RUFY3: variants seen among roughly 807,000 people sequenced by gnomAD.
RUFY3 encodes the protein RUN and FYVE domain containing 3, also known as protein RUFY3.
A neutral mutation model predicts 84.0 loss-of-function variants in RUFY3; 34 were observed. That is an observed-to-expected ratio of 0.40 (90% CI 0.31 to 0.54). RUFY3 has a LOEUF of 0.54. RUFY3 is among the 20% of genes least tolerant of loss of function. RUFY3 has a pLI of 0.39. For synonymous variants in RUFY3, 242 were observed against 252.9 expected (o/e 0.96, Z 0.41); for missense variants, 507 against 736.8 (o/e 0.69, Z 3.61).
At chr4:70,706,570 T>C (rs1740360916) in intron 1 of RUFY3, among the ~76,000 whole-genome samples, 1 of 152,226 alleles carries the variant, frequency 6.6e-6, no homozygotes, top group Non-Finnish European at 1.5e-5. Context: ...AAACCCATGC[T>C]CTTTAAATCT....
At chr4:70,774,636 AAAAAAAAAATAT>A (rs1486978791) in intron 6 of RUFY3, among the ~76,000 whole-genome samples, 4 of 121,330 alleles carry the variant, frequency 3.3e-5, no homozygotes, top group African/African-American at 1.2e-4. Flanking sequence ...AAAAAAAAAA[AAAAAAAAAATAT>A]ATATATATAT....
At position 70,725,746 on chromosome 4, in the gene RUFY3, G is replaced by C. The variant is rs554722090; in HGVS notation, c.178+2995G>C. Reference sequence around the variant, plus strand: ...CTCCACAGGAGAAGGGTCAGGAGAGGCTTCATTAAGTGAGACCTTAAGAGA... The same window carrying C: ...CTCCACAGGAGAAGGGTCAGGAGAGCCTTCATTAAGTGAGACCTTAAGAGA... On this transcript the variant is annotated intron_variant, in intron 1 of 17. Transcript: ENST00000381006. Among the ~76,000 whole-genome samples the C allele has an allele frequency of 3.9e-5, 6 of 152,328 alleles. No homozygotes were observed. The East Asian group carries it at 9.6e-4, about 24-fold the overall frequency.
At chr4:70,766,858 C>T (rs1726026777) in intron 4 of RUFY3, among the ~76,000 whole-genome samples, 1 of 152,066 alleles carries the variant, frequency 6.6e-6, no homozygotes, top group Non-Finnish European at 1.5e-5. Context: ...AGTTTCATGG[C>T]CCTAAAAAAT....
At chr4:70,801,446 G>A (rs533367796) in intron 15 of RUFY3, among the ~76,000 whole-genome samples, 1 of 152,236 alleles carries the variant, frequency 6.6e-6, no homozygotes, top group South Asian at 2.1e-4. Flanking sequence ...CCAGGGATGG[G>A]GCAGGAAGCA....
In RUFY3 at chr4:70,739,563, G is replaced by A. The variant is rs144993814; in HGVS notation, c.178+16812G>A. On this transcript the variant is annotated intron_variant, in intron 1 of 17. Transcript: ENST00000381006. ...ATTAACACTAAATCAAAGACACTTGGTCTCAAGGGGACAAAATAACCCCCA... is the reference window on the plus strand; with the variant it reads ...ATTAACACTAAATCAAAGACACTTGATCTCAAGGGGACAAAATAACCCCCA... 2.9e-3 allele frequency among the ~76,000 whole-genome samples: 443 copies of A among 152,196 alleles called. 3 individuals carry two copies. Among genetic ancestry groups the A allele is most frequent in the African/African-American group, 0.01 (420 of 41,510 alleles).
intron 1 of RUFY3, among the ~76,000 whole-genome samples, chr4:70,706,943 A>G (rs1740404347): frequency 1.3e-5 from 2 of 152,208 alleles, no homozygotes; most frequent in Admixed American, 1.3e-4. Context: ...TGTGTAATCT[A>G]CATATTAAGC....
At chr4:70,767,738 G>A (rs2148720487) in intron 4 of RUFY3, among the ~76,000 whole-genome samples, 1 of 151,994 alleles carries the variant, frequency 6.6e-6, no homozygotes, top group South Asian at 2.1e-4. Flanking sequence ...GAGTGCAGTG[G>A]CACAATCTCA....
chr4:70,789,629 T>C (rs749246648), intron 12 of RUFY3, 37 bp downstream of exon 12: 1 of 1,603,316 alleles, frequency 6.2e-7, no homozygotes, highest in Admixed American at 1.7e-5. Flanking sequence ...CACTTTGGAT[T>C]GTCAGTGCTG....
Position 70,722,129 on chromosome 4 carries a change from GT to G in RUFY3, c.-440del, listed in dbSNP as rs1742370524. 8.1e-7 allele frequency: 1 copy of G among 1,231,410 alleles called. No individual in the cohort carries two copies. Among genetic ancestry groups the G allele is most frequent in the Non-Finnish European group, 1.0e-6 (1 of 987,626 alleles). 76.3% of individuals were successfully genotyped at this position (1,231,410 alleles called of 1,614,324 possible). A position where few individuals can be genotyped will look rare whatever the true frequency, so the allele number is the denominator to read the frequency against. ...AAATATAGGTTTATTTTTTGTTCAG[GT>G]TTTTCTTTTATATTTTTTTTCTGCA... On this transcript the variant is annotated 5_prime_UTR_variant, in exon 1 of 18. Coordinates refer to ENST00000381006, the MANE Select transcript of RUFY3 (RefSeq NM_001037442.4).
intron 10 of RUFY3, among the ~76,000 whole-genome samples, chr4:70,785,452 A>T (rs192546570): frequency 5.9e-5 from 9 of 152,282 alleles, no homozygotes; most frequent in African/African-American, 1.7e-4. Context: ...GTTGACAAGG[A>T]TGTAGAGAAA....
At chr4:70,734,112 G>T (rs182666610) in intron 1 of RUFY3, among the ~76,000 whole-genome samples, 12 of 151,988 alleles carry the variant, frequency 7.9e-5, no homozygotes, top group African/African-American at 2.4e-4. Context: ...TTTATTTTGG[G>T]TTTTTTTCAA....
intron 1 of RUFY3, among the ~76,000 whole-genome samples, chr4:70,743,343 A>C (rs1721627057): frequency 6.6e-6 from 1 of 152,118 alleles, no homozygotes; most frequent in South Asian, 2.1e-4. Flanking sequence ...AAGTGCTGGG[A>C]TTACAAGTGT....
chr4:70,705,069 G>A (rs1428991263), exon 1 of RUFY3: 4 of 1,292,638 alleles, frequency 3.1e-6, no homozygotes, highest in Non-Finnish European at 2.9e-6. Flanking sequence ...GGGCGAGGCG[G>A]GGCCGCCGCC....
chr4:70,803,064 C>T, intron 16 of RUFY3, 81 bp downstream of exon 16: 2 of 1,031,826 alleles, frequency 1.9e-6, no homozygotes, highest in South Asian at 1.4e-5. Context: ...AATAAGGTAG[C>T]ATGGGCGGAA....
At chr4:70,790,975 T>C (rs1730715555) in intron 12 of RUFY3, among the ~76,000 whole-genome samples, 1 of 152,228 alleles carries the variant, frequency 6.6e-6, no homozygotes, top group South Asian at 2.1e-4. Context: ...GTTAGGTACT[T>C]GCTCATAAAC....
rs1742377129 is a variant in RUFY3, at chr4:70,722,167, G to C, written c.-407G>C. 2 of 1,230,758 alleles carry C rather than the reference G, an allele frequency of 1.6e-6. No individual in the cohort carries two copies. The highest frequency in any genetic ancestry group is 3.1e-5 in the African/African-American group (2 of 64,294). 76.2% of individuals were successfully genotyped at this position (1,230,758 alleles called of 1,614,324 possible). ...ATTTTTTTTCTGCACAAAGGAGGAG[G>C]ATTTTTCACTTACTCATATCGAGGC... On this transcript the variant is annotated 5_prime_UTR_variant, in exon 1 of 18. Transcript: ENST00000381006.
intron 1 of RUFY3, among the ~76,000 whole-genome samples, chr4:70,715,046 AGTT>A (rs1741407501): frequency 6.6e-6 from 1 of 152,214 alleles, no homozygotes; most frequent in Non-Finnish European, 1.5e-5. Flanking sequence ...ATCAGTTTAT[AGTT>A]GTTGTCAACT....
At chr4:70,726,724 T>C (rs1220091961) in intron 1 of RUFY3, among the ~76,000 whole-genome samples, 3 of 152,214 alleles carry the variant, frequency 2.0e-5, no homozygotes, top group African/African-American at 4.8e-5. Flanking sequence ...ATTAATCAGA[T>C]TTATACTTTT....
chr4:70,779,816 C>T (rs1578192272), intron 8 of RUFY3, among the ~76,000 whole-genome samples: 2 of 151,964 alleles, frequency 1.3e-5, no homozygotes, highest in African/African-American at 4.8e-5. Flanking sequence ...TCAAGTGACC[C>T]GCCTGCCTCG....
Sources: gnomAD v4.1 joint callset for allele counts (sites outside exome capture counted in the v4.1 genomes callset) on GRCh38, gnomAD v4.1.1 for gene constraint, MANE v1.5 for transcripts, NCBI Gene and HGNC (gene_info 2026-07-23, HGNC 2026-07-21) for gene names.